Variants in TMEM132D observed in about 807,000 individuals in gnomAD.
TMEM132D encodes the protein transmembrane protein 132D, also known as mature OL transmembrane protein.
A neutral mutation model predicts 62.3 loss-of-function variants in TMEM132D; 21 were observed. The observed-to-expected ratio is 0.34, with a 90% CI of 0.24 to 0.49. The LOEUF is 0.49. Ranked by LOEUF, TMEM132D falls within the 20% of genes least tolerant of loss-of-function variation. The probability of loss-of-function intolerance (pLI) is 0.99; values close to 1 mark genes in which losing one functional copy is unlikely to be tolerated. For synonymous variants in TMEM132D, 621 were observed against 575.6 expected, an observed-to-expected ratio of 1.08 and a Z score of -1.13; for missense variants, 1,346 against 1,402.8, an observed-to-expected ratio of 0.96 and a Z score of 0.65.
chr12:129,524,419 A>T (rs1875950320), intron 3 of TMEM132D, among the ~76,000 whole-genome samples: 1 of 152,180 alleles, frequency 6.6e-6, no homozygotes, highest in Non-Finnish European at 1.5e-5. Flanking sequence ...CCCGTTCAAC[A>T]TTACAGTTTC....
In TMEM132D at chr12:129,712,760, C is replaced by T. The variant is rs544781197; in HGVS notation, c.80-12062G>A. ...CATGGTGTCTGGAAGATCTGAAAAGCGAGTGGGTGGGATAGCTGTGGGCTG... is the reference window on the plus strand; with the variant it reads ...CATGGTGTCTGGAAGATCTGAAAAGTGAGTGGGTGGGATAGCTGTGGGCTG... On this transcript the variant is annotated intron_variant, in intron 1 of 8. Coordinates refer to ENST00000422113, the MANE Select transcript of TMEM132D (RefSeq NM_133448.3). Among the ~76,000 whole-genome samples, 382 of 152,254 alleles carry T rather than the reference C, an allele frequency of 2.5e-3. 1 individual carries two copies. The highest frequency in any genetic ancestry group is 4.2e-3 in the Non-Finnish European group (286 of 68,024).
intron 3 of TMEM132D, among the ~76,000 whole-genome samples, chr12:129,497,440 T>C (rs1003861161): frequency 6.6e-6 from 1 of 152,186 alleles, no homozygotes; most frequent in African/African-American, 2.4e-5. Context: ...GCAATGCTGT[T>C]CCCTCCCTTT....
intron 4 of TMEM132D, among the ~76,000 whole-genome samples, chr12:129,211,351 C>T (rs1879040316): frequency 6.6e-6 from 1 of 152,152 alleles, no homozygotes; most frequent in Non-Finnish European, 1.5e-5. Flanking sequence ...TGTCATTTTA[C>T]TTTCACTCAT....
chr12:129,288,396 G>A (rs950232156), intron 4 of TMEM132D, among the ~76,000 whole-genome samples: 3 of 152,010 alleles, frequency 2.0e-5, no homozygotes, highest in African/African-American at 7.3e-5. Flanking sequence ...CAACAACAAC[G>A]ACAACAACAA....
At chr12:129,381,193 C>T (rs1027280637) in intron 3 of TMEM132D, among the ~76,000 whole-genome samples, 7 of 152,188 alleles carry the variant, frequency 4.6e-5, no homozygotes, top group Non-Finnish European at 1.0e-4. Context: ...GCTGGCTCTG[C>T]ATTTTCTGTT....
intron 3 of TMEM132D, among the ~76,000 whole-genome samples, chr12:129,386,426 GCCAACA>G (rs1193711935): frequency 2.0e-5 from 3 of 152,056 alleles, no homozygotes; most frequent in African/African-American, 4.8e-5. Context: ...AATACTATAT[GCCAACA>G]CCAACACCAA....
chr12:129,903,820 G>C lies in TMEM132D; in HGVS notation c.-481C>G, dbSNP rs1875458404. 6.8e-6 allele frequency among the ~76,000 whole-genome samples: 1 copy of C among 147,192 alleles called. No individual in the cohort carries two copies. Among genetic ancestry groups the C allele is most frequent in the East Asian group, 2.0e-4 (1 of 4,998 alleles). On this transcript the variant is annotated 5_prime_UTR_variant, in exon 1 of 9. Transcript: ENST00000422113. The surrounding 1 kb of genome is among the most constrained non-coding windows in gnomAD (Gnocchi z 6.2). ...GCAGAGGCGGCTCGGAGCCCCCCGG[G>C]CGGGTGGCCGGGCTCGCTGGGCGGC...
At chr12:129,549,411 T>C (rs1407842837) in intron 2 of TMEM132D, among the ~76,000 whole-genome samples, 2 of 152,100 alleles carry the variant, frequency 1.3e-5, no homozygotes, top group South Asian at 2.1e-4. Context: ...AAGTGAATCA[T>C]GGGGTGGTTT....
chr12:129,511,845 G>T (rs1391667312), intron 3 of TMEM132D, among the ~76,000 whole-genome samples: 1 of 152,028 alleles, frequency 6.6e-6, no homozygotes, highest in African/African-American at 2.4e-5. Context: ...GAAAAATCTT[G>T]CCAAGAAGGG....
chr12:129,321,986 G>A (rs1375998219), intron 4 of TMEM132D, among the ~76,000 whole-genome samples: 5 of 151,858 alleles, frequency 3.3e-5, no homozygotes, highest in African/African-American at 9.6e-5. Context: ...ATAGTTCCAT[G>A]CTTAAATCCT....
chr12:129,378,324 T>C (rs982192880), intron 3 of TMEM132D, among the ~76,000 whole-genome samples: 1 of 152,200 alleles, frequency 6.6e-6, no homozygotes, highest in Non-Finnish European at 1.5e-5. Flanking sequence ...TATTCCAACG[T>C]TGATCAAAGC....
At chr12:129,590,471 G>A (rs760401171) in intron 2 of TMEM132D, among the ~76,000 whole-genome samples, 5 of 152,118 alleles carry the variant, frequency 3.3e-5, no homozygotes, top group South Asian at 4.1e-4. Flanking sequence ...GCTTCCAAAC[G>A]TTATTTCACT....
intron 2 of TMEM132D, among the ~76,000 whole-genome samples, chr12:129,698,805 T>C (rs752044870): frequency 6.8e-6 from 1 of 146,110 alleles, no homozygotes; most frequent in Middle Eastern, 3.3e-3. Flanking sequence ...AAGAAAAGAA[T>C]AGAAAAAAGA....
chr12:129,807,168 G>A (rs1224626805), intron 1 of TMEM132D, among the ~76,000 whole-genome samples: 1 of 152,196 alleles, frequency 6.6e-6, no homozygotes, highest in Admixed American at 6.5e-5. Flanking sequence ...GACCACAGTG[G>A]ATGTCCATTC....
At chr12:129,554,448 C>G (rs1176831472) in intron 2 of TMEM132D, among the ~76,000 whole-genome samples, 1 of 152,120 alleles carries the variant, frequency 6.6e-6, no homozygotes, top group Admixed American at 6.5e-5. Context: ...AGCAGAGACA[C>G]TGAGAGAGAA....
intron 2 of TMEM132D, among the ~76,000 whole-genome samples, chr12:129,653,359 T>C (rs1879982252): frequency 1.3e-5 from 2 of 152,216 alleles, no homozygotes; most frequent in African/African-American, 2.4e-5. Flanking sequence ...AGCCTGGTGA[T>C]GGCCGATGGA....
intron 1 of TMEM132D, among the ~76,000 whole-genome samples, chr12:129,828,583 T>C (rs886235952): frequency 1.3e-5 from 2 of 148,430 alleles, no homozygotes; most frequent in African/African-American, 2.5e-5. Flanking sequence ...ATATGGTTGG[T>C]TGGCTACTCA....
At chr12:129,421,261 C>T (rs1037159912) in intron 3 of TMEM132D, among the ~76,000 whole-genome samples, 7 of 152,184 alleles carry the variant, frequency 4.6e-5, no homozygotes, top group African/African-American at 1.4e-4. Context: ...CCATGCCTGG[C>T]CTAGTGGATC....
intron 3 of TMEM132D, among the ~76,000 whole-genome samples, chr12:129,346,975 C>T (rs1252637334): frequency 2.6e-5 from 4 of 152,002 alleles, no homozygotes; most frequent in Non-Finnish European, 5.9e-5. Context: ...AAAGAGAATA[C>T]AATACCTAGG....
Sources: allele counts gnomAD v4.1 joint callset (sites outside exome capture counted in the v4.1 genomes callset), GRCh38; gene constraint gnomAD v4.1.1; non-coding constraint Gnocchi (gnomAD v3.1); transcripts MANE v1.5; gene names NCBI Gene and HGNC (gene_info 2026-07-23, HGNC 2026-07-21).